Variants in CNTNAP5 observed in about 807,000 individuals in gnomAD.
The protein encoded by CNTNAP5 is contactin-associated protein-like 5.
In CNTNAP5, 72 loss-of-function variants were observed where a neutral mutation model predicts 150.2. That is an observed-to-expected ratio of 0.48 (90% CI 0.40 to 0.58). The LOEUF (loss-of-function observed/expected upper bound fraction) is 0.58. Ranked by LOEUF, CNTNAP5 falls within the 20% of genes least tolerant of loss-of-function variation. CNTNAP5 has a pLI of 0.00. For synonymous variants in CNTNAP5, 672 were observed against 619.8 expected, an observed-to-expected ratio of 1.08 and a Z score of -1.25; for missense variants, 1,636 against 1,626.2, an observed-to-expected ratio of 1.01 and a Z score of -0.10.
rs183850459 is a variant in CNTNAP5, at chr2:124,652,448, C to G, written c.2077+4490C>G. 2.6e-5 allele frequency among the ~76,000 whole-genome samples: 4 copies of G among 152,306 alleles called. No homozygotes were observed. The East Asian group carries it at 7.8e-4, about 30-fold the overall frequency. On this transcript the variant is annotated intron_variant, in intron 13 of 23. Coordinates refer to ENST00000682447, the MANE Select transcript of CNTNAP5 (RefSeq NM_001367498.1). ...CCTTGGTTGAGCCCAGACCTTTTCTCTCTTGTCAGCACCTTCATAGGCATT... is the reference window on the plus strand; with the variant it reads ...CCTTGGTTGAGCCCAGACCTTTTCTGTCTTGTCAGCACCTTCATAGGCATT...
At chr2:124,515,586 G>A (rs1311237426) in intron 8 of CNTNAP5, among the ~76,000 whole-genome samples, 2 of 152,150 alleles carry the variant, frequency 1.3e-5, no homozygotes, top group African/African-American at 4.8e-5. Context: ...AGCTGGCTGT[G>A]ATAGAAAGTA....
chr2:124,296,702 A>G (rs1688439551), intron 3 of CNTNAP5, among the ~76,000 whole-genome samples: 1 of 152,186 alleles, frequency 6.6e-6, no homozygotes, highest in Non-Finnish European at 1.5e-5. Flanking sequence ...CTTAGTATAG[A>G]GACCTTGACT....
intron 3 of CNTNAP5, among the ~76,000 whole-genome samples, chr2:124,299,710 A>T (rs1441083415): frequency 2.0e-5 from 3 of 152,192 alleles, no homozygotes; most frequent in African/African-American, 7.2e-5. Flanking sequence ...TAGTCTAAGT[A>T]ATTAATACTA....
intron 3 of CNTNAP5, among the ~76,000 whole-genome samples, chr2:124,305,885 A>C (rs999405909): frequency 6.6e-6 from 1 of 152,204 alleles, no homozygotes; most frequent in Admixed American, 6.5e-5. Context: ...TACACAATGG[A>C]AGAAGACAAT....
intron 1 of CNTNAP5, among the ~76,000 whole-genome samples, chr2:124,119,497 T>C (rs943371357): frequency 2.6e-5 from 4 of 152,144 alleles, no homozygotes; most frequent in Non-Finnish European, 4.4e-5. Context: ...CAAAACACTT[T>C]CAATTTTTAA....
intron 10 of CNTNAP5, among the ~76,000 whole-genome samples, chr2:124,548,636 C>A (rs566597782): frequency 1.3e-5 from 2 of 151,348 alleles, no homozygotes; most frequent in African/African-American, 2.4e-5. Context: ...GAAAAAAAAA[C>A]AAAACAGTTA....
At chr2:124,384,813 A>G (rs904135438) in intron 3 of CNTNAP5, among the ~76,000 whole-genome samples, 13 of 152,306 alleles carry the variant, frequency 8.5e-5, no homozygotes, top group South Asian at 2.1e-4. Context: ...CGCAAAGTGA[A>G]AAGGGCCAGG....
chr2:124,911,333 A>G (rs1261261791), intron 22 of CNTNAP5, 134 bp from the exon 23 acceptor site: 2 of 661,374 alleles, frequency 3.0e-6, no homozygotes, highest in Non-Finnish European at 5.5e-6. Flanking sequence ...AGTTCCTTGC[A>G]ACATATCAAC....
intron 3 of CNTNAP5, among the ~76,000 whole-genome samples, chr2:124,332,763 G>A (rs945960477): frequency 1.3e-5 from 2 of 151,890 alleles, no homozygotes; most frequent in Admixed American, 6.6e-5. Context: ...TAATTAACTT[G>A]CATTTAGGTC....
chr2:124,401,973 T>C (rs2584354), intron 3 of CNTNAP5, among the ~76,000 whole-genome samples: 12,970 of 152,234 alleles, frequency 0.085, 703 homozygotes, highest in East Asian at 0.24. Context: ...GAGTAACTTC[T>C]GCTGACAAGT....
intron 3 of CNTNAP5, among the ~76,000 whole-genome samples, chr2:124,416,446 A>C (rs1490421856): frequency 6.6e-6 from 1 of 152,112 alleles, no homozygotes; most frequent in Non-Finnish European, 1.5e-5. Flanking sequence ...AAGGCTATGA[A>C]GTACAATATT....
At chr2:124,744,799 C>T (rs1408511792) in intron 13 of CNTNAP5, among the ~76,000 whole-genome samples, 4 of 152,100 alleles carry the variant, frequency 2.6e-5, no homozygotes, top group Admixed American at 1.3e-4. Context: ...AGACTTGAGG[C>T]GAGTCAAACC....
In CNTNAP5 at chr2:124,917,989, A is replaced by G. The variant is rs1678803614; in HGVS notation, c.*3701A>G. 2.0e-5 allele frequency among the ~76,000 whole-genome samples: 3 copies of G among 152,100 alleles called. 1 individual carries two copies. The South Asian group carries it at 6.2e-4, about 32-fold the overall frequency. Reference sequence around the variant, plus strand: ...CTGTTTTGTTTCTCCTCCTCAAAGTAGATATCTATCAATGCATATAGATTT... The same window carrying G: ...CTGTTTTGTTTCTCCTCCTCAAAGTGGATATCTATCAATGCATATAGATTT... On this transcript the variant is annotated 3_prime_UTR_variant, in exon 24 of 24. Coordinates refer to ENST00000682447, the MANE Select transcript of CNTNAP5 (RefSeq NM_001367498.1).
At chr2:124,301,431 A>G (rs1688565600) in intron 3 of CNTNAP5, among the ~76,000 whole-genome samples, 1 of 152,222 alleles carries the variant, frequency 6.6e-6, no homozygotes, top group African/African-American at 2.4e-5. Context: ...TGAAGGATTT[A>G]TGCATAATGT....
At position 124,764,016 on chromosome 2, in the gene CNTNAP5, C is replaced by G. The variant is rs1386394765; in HGVS notation, c.2402C>G (p.Ser801Cys). Residue 801 changes from serine (S) to cysteine (C), a missense_variant, in exon 16 of 24, where the codon TCT (serine) becomes TGT (cysteine). Coordinates refer to ENST00000682447, the MANE Select transcript of CNTNAP5 (RefSeq NM_001367498.1). ...WNAVSFYTEA[S>C]YLHFPTFHAE... ...GCCGTCTCATTTTATACAGAAGCCT[C>G]TTACCTCCACTTTCCTACCTTCCAT... 6.2e-7 allele frequency: 1 copy of G among 1,613,330 alleles called. No individual in the cohort carries two copies. Among genetic ancestry groups the G allele is most frequent in the African/African-American group, 1.3e-5 (1 of 75,012 alleles).
chr2:124,138,541 A>G (rs1684029956), intron 1 of CNTNAP5, among the ~76,000 whole-genome samples: 1 of 151,886 alleles, frequency 6.6e-6, no homozygotes, highest in African/African-American at 2.4e-5. Context: ...TATTTTTTTC[A>G]CCTGAGAGTT....
At chr2:124,605,809 CAAAA>C (rs36090348) in intron 11 of CNTNAP5, among the ~76,000 whole-genome samples, 29 of 34,418 alleles carry the variant, frequency 8.4e-4, no homozygotes, top group African/African-American at 3.5e-3. Flanking sequence ...AAGACTCTGT[CAAAA>C]AAAAAAAAAA....
At chr2:124,485,342 G>A (rs532018960) in intron 7 of CNTNAP5, among the ~76,000 whole-genome samples, 9 of 152,176 alleles carry the variant, frequency 5.9e-5, no homozygotes, top group African/African-American at 1.4e-4. Context: ...GGCCGGGCAC[G>A]GTGGCTCACG....
At chr2:124,172,779 C>CTG (rs59743272) in intron 1 of CNTNAP5, among the ~76,000 whole-genome samples, 38 of 149,418 alleles carry the variant, frequency 2.5e-4, no homozygotes, top group African/African-American at 8.9e-4. Context: ...CTCTCTCTCT[C>CTG]TGTGTGTGTG....
Sources: gnomAD v4.1 joint callset for allele counts (sites outside exome capture counted in the v4.1 genomes callset) on GRCh38, gnomAD v4.1.1 for gene constraint, MANE v1.5 for transcripts, NCBI Gene and HGNC (gene_info 2026-07-23, HGNC 2026-07-21) for gene names.